MON2: variants seen among roughly 807,000 people sequenced by gnomAD.
MON2 encodes the protein MON2 regulator of endosome-to-Golgi trafficking.
A neutral mutation model predicts 208.6 loss-of-function variants in MON2; 84 were observed. The ratio of observed to expected loss-of-function variants is 0.40; its 90% CI spans 0.34 to 0.48. MON2 has a LOEUF of 0.48. Among genes scored for constraint, MON2 ranks in the 20% least tolerant of loss-of-function variants. The pLI is 0.59. For missense variants in MON2, 1,611 were observed against 2,015.4 expected (o/e 0.80, Z 3.84); for synonymous variants, 660 against 694.0 (o/e 0.95, Z 0.77).
intron 22 of MON2, 67 bp downstream of exon 22, chr12:62,547,139 A>G (rs1318702624): frequency 8.9e-7 from 1 of 1,122,678 alleles, no homozygotes; most frequent in African/African-American, 1.6e-5. Context: ...AATAAAATTA[A>G]CATCAAAAAA....
intron 1 of MON2, among the ~76,000 whole-genome samples, chr12:62,473,053 A>G (rs2068875165): frequency 6.6e-6 from 1 of 152,254 alleles, no homozygotes; most frequent in African/African-American, 2.4e-5. Context: ...TGTATGAAGT[A>G]GAAGGTTTTG....
intron 31 of MON2, 28 bp downstream of exon 31, chr12:62,578,533 T>G (rs1474811958): frequency 5.0e-6 from 7 of 1,407,160 alleles, no homozygotes; most frequent in African/African-American, 2.9e-5. Flanking sequence ...AATGTTTTCC[T>G]GTGACCATTT....
At chr12:62,519,869 G>A (rs1314228653) in intron 8 of MON2, among the ~76,000 whole-genome samples, 2 of 152,270 alleles carry the variant, frequency 1.3e-5, no homozygotes, top group South Asian at 2.1e-4. Context: ...TGGCTGGAGT[G>A]CCGTGGCGTG....
At chr12:62,494,290 C>T (rs906587767) in intron 3 of MON2, among the ~76,000 whole-genome samples, 2 of 152,084 alleles carry the variant, frequency 1.3e-5, no homozygotes, top group African/African-American at 4.8e-5. Context: ...TTTTGAGACT[C>T]AAGCAAGTTT....
intron 7 of MON2, among the ~76,000 whole-genome samples, chr12:62,505,003 A>G (rs1316210818): frequency 1.3e-5 from 2 of 152,222 alleles, no homozygotes; most frequent in Non-Finnish European, 2.9e-5. Flanking sequence ...AGAATACTCC[A>G]CACAGAAGGA....
rs79841081 is a variant in MON2, at chr12:62,562,815, C to T, written c.4032+1702C>T. On this transcript the variant is annotated intron_variant, in intron 26 of 34. Coordinates refer to ENST00000393630, the MANE Select transcript of MON2 (RefSeq NM_015026.3). ...GGGGAGCATTTATGTTGTTCTTCCT[C>T]AGTGCTTTTATATTGTTTAGGACTT... 3.3e-3 allele frequency among the ~76,000 whole-genome samples: 499 copies of T among 152,216 alleles called. 3 individuals carry two copies. Among genetic ancestry groups the T allele is most frequent in the Middle Eastern group, 0.017 (5 of 294 alleles).
chr12:62,529,712 C>T (rs558250019), intron 11 of MON2, among the ~76,000 whole-genome samples: 1 of 152,216 alleles, frequency 6.6e-6, no homozygotes, highest in Admixed American at 6.5e-5. Context: ...GCAGTCATTT[C>T]CCAATCCCCC....
rs778511256 is a variant in MON2 at position 62,594,057 on chromosome 12, A to G, written c.*1308A>G. On this transcript the variant is annotated 3_prime_UTR_variant, in exon 35 of 35. Transcript: ENST00000393630. ...TTTGACCTAGCTCACTGTATTTTTT[A>G]TTTAATGGATTATGGATTACAGTAT... is the stretch of plus-strand genomic sequence containing the variant. 2.0e-5 allele frequency: 3 copies of G among 152,126 alleles called. No individual in the cohort carries two copies. Among genetic ancestry groups the G allele is most frequent in the Non-Finnish European group, 2.9e-5 (2 of 67,956 alleles). 9.4% of individuals were successfully genotyped at this position (152,126 alleles called of 1,614,324 possible).
At chr12:62,560,420 C>A in intron 25 of MON2, 71 bp from the exon 26 acceptor site, 1 of 1,432,342 alleles carries the variant, frequency 7.0e-7, no homozygotes, top group Non-Finnish European at 9.4e-7. Context: ...AATATGCTTT[C>A]AAGTGTCTAA....
chr12:62,553,896 T>C (rs2073856197), intron 24 of MON2, among the ~76,000 whole-genome samples: 1 of 152,094 alleles, frequency 6.6e-6, no homozygotes, highest in Non-Finnish European at 1.5e-5. Context: ...TCTTAAAAAA[T>C]TAATGGGCTG....
chr12:62,573,591 A>AAT (rs2074678132), intron 30 of MON2, among the ~76,000 whole-genome samples: 1 of 151,678 alleles, frequency 6.6e-6, no homozygotes, highest in Admixed American at 6.6e-5. Context: ...GTAAAATAAT[A>AAT]ATATTTTATA....
chr12:62,556,912 CA>C (rs1565682045), intron 25 of MON2, among the ~76,000 whole-genome samples: 1 of 152,054 alleles, frequency 6.6e-6, no homozygotes, highest in East Asian at 1.9e-4. Flanking sequence ...CTCATCTCTA[CA>C]AAAATTTTTT....
chr12:62,537,795 G>T, intron 16 of MON2, 89 bp downstream of exon 16: 1 of 1,025,470 alleles, frequency 9.8e-7, no homozygotes. Context: ...TGATGTTTTG[G>T]ACAGGCCTAA....
intron 32 of MON2, among the ~76,000 whole-genome samples, chr12:62,583,852 C>T (rs1216388841): frequency 1.4e-5 from 2 of 147,424 alleles, no homozygotes; most frequent in African/African-American, 5.0e-5. Flanking sequence ...CCCAGCTACT[C>T]GGGAGTCTGA....
chr12:62,585,588 G>A (rs779965363), intron 33 of MON2, 87 bp downstream of exon 33: 1 of 1,075,720 alleles, frequency 9.3e-7, no homozygotes, highest in Non-Finnish European at 1.3e-6. Flanking sequence ...AAGTGTTTTT[G>A]TAAGTGATCT....
intron 25 of MON2, among the ~76,000 whole-genome samples, chr12:62,558,306 A>G (rs984322741): frequency 6.6e-6 from 1 of 152,072 alleles, no homozygotes; most frequent in African/African-American, 2.4e-5. Flanking sequence ...AAATGAAGAC[A>G]TAAGACAGTT....
intron 30 of MON2, 48 bp downstream of exon 30, chr12:62,571,630 T>A: frequency 7.1e-7 from 1 of 1,411,836 alleles, no homozygotes. Context: ...GCACATTATA[T>A]CTTCAGTTGC....
intron 8 of MON2, 183 bp downstream of exon 8, chr12:62,508,663 T>A (rs188531907): frequency 7.0e-6 from 4 of 574,420 alleles, no homozygotes; most frequent in Non-Finnish European, 1.2e-5. Flanking sequence ...TGCTTATGTT[T>A]ATAGAGTATT....
In MON2 at chr12:62,549,674, C is replaced by T. The variant is rs757464211; in HGVS notation, c.2760C>T (p.Ser920=). 1.3e-6 allele frequency: 2 copies of T among 1,590,188 alleles called. No homozygotes were observed. The highest frequency in any genetic ancestry group is 2.3e-5 in the South Asian group (2 of 86,286). The change falls in exon 23 of 35, where the codon TCC becomes TCT. Residue 920 remains serine, a synonymous_variant. Transcript: ENST00000393630. The part of the protein sequence containing the change: ...MGAIRNDQGE[S]LIRTAFQCLQ... ...ACATTTCTTTTGTTTTCAGAGAATCCTTGATACGAACTGCATTCCAGTGTC... is the reference window on the plus strand; with the variant it reads ...ACATTTCTTTTGTTTTCAGAGAATCTTTGATACGAACTGCATTCCAGTGTC...
Sources: gnomAD v4.1 joint callset for allele counts (sites outside exome capture counted in the v4.1 genomes callset) on GRCh38, gnomAD v4.1.1 for gene constraint, MANE v1.5 for transcripts, NCBI Gene and HGNC (gene_info 2026-07-23, HGNC 2026-07-21) for gene names.